Variants in ERC2 observed in about 807,000 individuals in gnomAD.
ERC2 encodes the protein ERC protein 2.
A neutral mutation model predicts 114.8 loss-of-function variants in ERC2; 42 were observed. The observed-to-expected ratio is 0.37, with a 90% CI of 0.29 to 0.47. The LOEUF is 0.47. ERC2 is among the 20% of genes least tolerant of loss of function. The probability of loss-of-function intolerance (pLI) is 0.99; values close to 1 mark genes in which losing one functional copy is unlikely to be tolerated. For missense variants in ERC2, 939 were observed against 1,150.7 expected, an observed-to-expected ratio of 0.82 and a Z score of 2.66; for synonymous variants, 454 against 425.5, an observed-to-expected ratio of 1.07 and a Z score of -0.82.
chr3:55,806,156 G>A (rs1362776316), intron 14 of ERC2, among the ~76,000 whole-genome samples: 2 of 152,008 alleles, frequency 1.3e-5, no homozygotes, highest in African/African-American at 4.8e-5. Flanking sequence ...CCAACATGGT[G>A]AAACCCTGTC....
chr3:56,173,861 C>G (rs1469806943), intron 3 of ERC2: 1 of 214,706 alleles, frequency 4.7e-6, no homozygotes, highest in East Asian at 1.3e-4. Context: ...ACTCTGTGCT[C>G]CCAATACAAA....
intron 7 of ERC2, among the ~76,000 whole-genome samples, chr3:56,075,143 G>GAATA (rs67223615): frequency 6.7e-6 from 1 of 149,466 alleles, no homozygotes; most frequent in African/African-American, 2.5e-5. Context: ...AGACTTCCCT[G>GAATA]AGTGACATAA....
intron 15 of ERC2, among the ~76,000 whole-genome samples, chr3:55,702,865 G>A (rs938383765): frequency 6.0e-4 from 91 of 152,296 alleles, no homozygotes; most frequent in African/African-American, 2.1e-3. Context: ...TATAGAGTTG[G>A]AGAGGGATTG....
intron 2 of ERC2, among the ~76,000 whole-genome samples, chr3:56,327,266 C>CCTT (rs1327995454): frequency 1.3e-5 from 2 of 152,162 alleles, no homozygotes; most frequent in Admixed American, 1.3e-4. Context: ...AAGCCAGGTA[C>CCTT]CTTCTTCACA....
chr3:56,096,715 T>C (rs1237151818), intron 6 of ERC2, among the ~76,000 whole-genome samples: 1 of 152,196 alleles, frequency 6.6e-6, no homozygotes, highest in Non-Finnish European at 1.5e-5. Context: ...CACTTACATG[T>C]GTGTGTGTTG....
chr3:56,332,147 CAT>C (rs2057648790), intron 2 of ERC2, among the ~76,000 whole-genome samples: 2 of 41,336 alleles, frequency 4.8e-5, no homozygotes, highest in Non-Finnish European at 7.0e-5. Context: ...CACACACACA[CAT>C]GTGCACACAC....
At chr3:55,830,183 AT>A (rs2060507353) in intron 14 of ERC2, among the ~76,000 whole-genome samples, 1 of 152,196 alleles carries the variant, frequency 6.6e-6, no homozygotes, top group African/African-American at 2.4e-5. Context: ...CAATGGAACA[AT>A]TTTTTTAAAT....
chr3:56,268,665 C>T (rs1382002012), intron 3 of ERC2, among the ~76,000 whole-genome samples: 1 of 152,026 alleles, frequency 6.6e-6, no homozygotes, highest in Non-Finnish European at 1.5e-5. Context: ...TATAGTAAGC[C>T]TAACTGGTAT....
intron 3 of ERC2, among the ~76,000 whole-genome samples, chr3:56,191,830 G>T (rs1469621244): frequency 6.6e-6 from 1 of 151,904 alleles, no homozygotes; most frequent in African/African-American, 2.4e-5. Context: ...CATGAACTCG[G>T]ATGAACTCAA....
At chr3:56,222,059 C>T (rs970428998) in intron 3 of ERC2, among the ~76,000 whole-genome samples, 1 of 152,082 alleles carries the variant, frequency 6.6e-6, no homozygotes, top group African/African-American at 2.4e-5. Flanking sequence ...AGAAGAGATA[C>T]CATTTTACTG....
At chr3:56,079,267 CATA>C (rs2077117449) in intron 7 of ERC2, among the ~76,000 whole-genome samples, 1 of 152,060 alleles carries the variant, frequency 6.6e-6, no homozygotes, top group South Asian at 2.1e-4. Context: ...CCATTTTTTT[CATA>C]ATAAGTCTTC....
At chr3:56,319,409 C>T (rs768952969) in intron 2 of ERC2, among the ~76,000 whole-genome samples, 2 of 152,028 alleles carry the variant, frequency 1.3e-5, no homozygotes, top group Admixed American at 6.5e-5. Context: ...ACAAACATTA[C>T]GTGATTCCAC....
chr3:55,967,974 T>C (rs2068871586), intron 12 of ERC2, among the ~76,000 whole-genome samples: 1 of 152,176 alleles, frequency 6.6e-6, no homozygotes, highest in Admixed American at 6.5e-5. Flanking sequence ...ATGTGAGAAG[T>C]AAACTTCTGT....
intron 17 of ERC2, among the ~76,000 whole-genome samples, chr3:55,529,387 C>G (rs185992409): frequency 6.6e-6 from 1 of 152,078 alleles, no homozygotes; most frequent in Non-Finnish European, 1.5e-5. Context: ...TGAGGGTGTA[C>G]GGAAACTCTT....
chr3:56,241,028 A>C (rs1488830058), intron 3 of ERC2, among the ~76,000 whole-genome samples: 1 of 152,124 alleles, frequency 6.6e-6, no homozygotes, highest in Admixed American at 6.6e-5. Context: ...CTGAATGTGT[A>C]CATATACCCA....
At chr3:56,154,314 C>T (rs948615661) in intron 4 of ERC2, among the ~76,000 whole-genome samples, 31 of 152,044 alleles carry the variant, frequency 2.0e-4, no homozygotes, top group African/African-American at 4.3e-4. Flanking sequence ...AGGTGATGAC[C>T]TAGATTAGAA....
At chr3:55,609,641 T>C (rs1376013282) in intron 17 of ERC2, among the ~76,000 whole-genome samples, 1 of 151,834 alleles carries the variant, frequency 6.6e-6, no homozygotes, top group Admixed American at 6.6e-5. Context: ...ACCTACAGCT[T>C]GGGTAGGCTC....
Position 55,697,414 on chromosome 3 carries a change from CCAGA to C in ERC2, c.2847+1960_2847+1963del, listed in dbSNP as rs1489902341. Among the ~76,000 whole-genome samples the C allele has an allele frequency of 2.0e-5, 3 of 152,150 alleles. No individual in the cohort carries two copies. In the South Asian group the frequency reaches 6.2e-4, roughly 32 times the overall value. On this transcript the variant is annotated intron_variant, in intron 16 of 17. Coordinates refer to ENST00000288221, the MANE Select transcript of ERC2 (RefSeq NM_015576.3). ...CAAAGGTCTCAACAACGTGGCTTAGCCAGACACTCTTCAAGGAATGCTAACTCTT... is the reference window on the plus strand; with the variant it reads ...CAAAGGTCTCAACAACGTGGCTTAGCCACTCTTCAAGGAATGCTAACTCTT...
chr3:56,207,835 T>C (rs1397012331), intron 3 of ERC2, among the ~76,000 whole-genome samples: 1 of 152,130 alleles, frequency 6.6e-6, no homozygotes, highest in Non-Finnish European at 1.5e-5. Flanking sequence ...AAAATACATA[T>C]GGCTAGGCAT....
Sources: allele counts gnomAD v4.1 joint callset (sites outside exome capture counted in the v4.1 genomes callset), GRCh38; gene constraint gnomAD v4.1.1; transcripts MANE v1.5; gene names NCBI Gene and HGNC (gene_info 2026-07-23, HGNC 2026-07-21).